Variants in IGDCC3 observed in about 807,000 individuals in gnomAD.
IGDCC3 encodes the protein putative neuronal cell adhesion molecule.
In IGDCC3, 47 loss-of-function variants were observed where a neutral mutation model predicts 72.0. The observed-to-expected ratio is 0.65, with a 90% CI of 0.52 to 0.83. IGDCC3 has a LOEUF of 0.83. Ranked by LOEUF, IGDCC3 falls within the 40% of genes least tolerant of loss-of-function variation. The pLI, the probability that IGDCC3 is intolerant of heterozygous loss-of-function variation, is 0.00. For synonymous variants in IGDCC3, 477 were observed against 472.8 expected, an observed-to-expected ratio of 1.01 and a Z score of -0.11; for missense variants, 1,038 against 1,091.3, an observed-to-expected ratio of 0.95 and a Z score of 0.69.
intron 2 of IGDCC3, among the ~76,000 whole-genome samples, chr15:65,356,848 C>CTTTTTATTTTTTTTTTTTT (rs2091225168): frequency 1.4e-5 from 1 of 70,898 alleles, no homozygotes; most frequent in Non-Finnish European, 2.6e-5. Context: ...AATGGACCTG[C>CTTTTTATTTTTTTTTTTTT]TTTTTTTTTT....
intron 2 of IGDCC3, among the ~76,000 whole-genome samples, chr15:65,361,283 TAAA>T (rs60459269): frequency 6.7e-6 from 1 of 149,238 alleles, no homozygotes; most frequent in African/African-American, 2.5e-5. Flanking sequence ...ATAATAATAA[TAAA>T]AAAACATTAG....
At chr15:65,334,482 G>A (rs1190232538) in intron 5 of IGDCC3, 2 of 490,420 alleles carry the variant, frequency 4.1e-6, no homozygotes, top group Non-Finnish European at 7.1e-6. Flanking sequence ...TGCAGGGACT[G>A]GACAAGGTAA....
chr15:65,367,822 G>T (rs1045701189), intron 2 of IGDCC3, among the ~76,000 whole-genome samples: 4 of 152,220 alleles, frequency 2.6e-5, no homozygotes, highest in Middle Eastern at 3.4e-3. Context: ...CCACAGGAGA[G>T]CCCTTTGAGG....
In IGDCC3 at chr15:65,328,837, C is replaced by T; in HGVS notation, c.*72G>A. 1 of 1,481,566 alleles carries T rather than the reference C, an allele frequency of 6.7e-7. No homozygotes were observed. The highest frequency in any genetic ancestry group is 2.4e-5 in the Admixed American group (1 of 41,220). 91.8% of individuals were successfully genotyped at this position (1,481,566 alleles called of 1,614,324 possible). On this transcript the variant is annotated 3_prime_UTR_variant, in exon 14 of 14. Transcript: ENST00000327987. ...CCAGGACCATCCAAATCCCACATGA[C>T]AGTAGAAATCTTGCTTTTGACCTGA...
chr15:65,351,413 A>G (rs567681573), intron 2 of IGDCC3, among the ~76,000 whole-genome samples: 1 of 152,148 alleles, frequency 6.6e-6, no homozygotes, highest in African/African-American at 2.4e-5. Context: ...GGGTGCCTGT[A>G]GTCCCAGCTA....
intron 6 of IGDCC3, 22 bp downstream of exon 6, chr15:65,333,235 C>T: frequency 6.3e-7 from 1 of 1,581,608 alleles, no homozygotes; most frequent in Non-Finnish European, 8.6e-7. Context: ...TGCCCTCCTC[C>T]TCAGGGTTGG....
chr15:65,370,645 T>C (rs2091320602), intron 2 of IGDCC3, among the ~76,000 whole-genome samples: 1 of 141,572 alleles, frequency 7.1e-6, no homozygotes, highest in African/African-American at 2.6e-5. Flanking sequence ...TATATATATA[T>C]ATAAAATTAG....
At position 65,356,848 on chromosome 15, in the gene IGDCC3, C is replaced by CTTTTTTTTTTTTTTTTTTTTTTTTTTTTT. The variant is rs766472764; in HGVS notation, c.409+18248_409+18249insAAAAAAAAAAAAAAAAAAAAAAAAAAAAA. ...GATGTGAGATTTGAGAATGGACCTG[C>CTTTTTTTTTTTTTTTTTTTTTTTTTTTTT]TTTTTTTTTTTTTTTTTTTGAGATG... On this transcript the variant is annotated intron_variant, in intron 2 of 13. Transcript: ENST00000327987. Among the ~76,000 whole-genome samples the CTTTTTTTTTTTTTTTTTTTTTTTTTTTTT allele has an allele frequency of 1.6e-4, 11 of 70,886 alleles. 1 individual carries two copies. The highest frequency in any genetic ancestry group is 4.0e-4 in the African/African-American group (6 of 15,034). 46.5% of individuals were successfully genotyped at this position (70,886 alleles called of 152,430 possible).
chr15:65,329,782 G>C lies in IGDCC3; in HGVS notation c.1941C>G (p.Ile647Met). The C allele has an allele frequency of 6.2e-7, 1 of 1,614,168 alleles. No individual in the cohort carries two copies. Among genetic ancestry groups the C allele is most frequent in the Non-Finnish European group, 8.5e-7 (1 of 1,180,024 alleles). ...CACAGAAGATGATGCAAGTGACCCCGATGTGGATGCCGATGACGATGCCTG... is the reference window on the plus strand; with the variant it reads ...CACAGAAGATGATGCAAGTGACCCCCATGTGGATGCCGATGACGATGCCTG... ...STTGIVIGIH[I>M]GVTCIIFCVL... The change falls in exon 12 of 14, where the codon ATC (isoleucine) becomes ATG (methionine). Residue 647 changes from isoleucine (I) to methionine (M), a missense_variant. By Grantham distance (10) the Ile-to-Met change is conservative. Coordinates refer to ENST00000327987, the MANE Select transcript of IGDCC3 (RefSeq NM_004884.4). This position sits in a 1 kb window ranked among gnomAD's most constrained non-coding sequence, Gnocchi z 4.1.
chr15:65,348,764 G>A (rs1380613314), intron 2 of IGDCC3, among the ~76,000 whole-genome samples: 2 of 152,166 alleles, frequency 1.3e-5, no homozygotes, highest in African/African-American at 4.8e-5. Context: ...GTCCCTCTTG[G>A]CTAAGAACAG....
In IGDCC3 at chr15:65,375,193, G is replaced by C. The variant is rs752331606; in HGVS notation, c.313C>G (p.Pro105Ala). The change falls in exon 2 of 14, where the codon CCG becomes GCG. Residue 105 changes from proline (P) to alanine (A), a missense_variant. Coordinates refer to ENST00000327987, the MANE Select transcript of IGDCC3 (RefSeq NM_004884.4). ...SLMIRHFRLEPGGSPSDEGDY... is the reference protein window; with the variant it reads ...SLMIRHFRLEAGGSPSDEGDY... ...CCTTCATCCGAAGGGCTGCCTCCCG[G>C]CTCCAGCCTGAAGTGACGGATCATC... The C allele has an allele frequency of 6.2e-6, 10 of 1,614,072 alleles. No individual in the cohort carries two copies. The highest frequency in any genetic ancestry group is 8.5e-6 in the Non-Finnish European group (10 of 1,180,050).
At chr15:65,364,593 A>C (rs556091079) in intron 2 of IGDCC3, among the ~76,000 whole-genome samples, 1 of 152,284 alleles carries the variant, frequency 6.6e-6, no homozygotes, top group African/African-American at 2.4e-5. Flanking sequence ...GCAGCACGAA[A>C]GAAAAACAGA....
At chr15:65,357,196 GA>G (rs2091229414) in intron 2 of IGDCC3, among the ~76,000 whole-genome samples, 1 of 151,982 alleles carries the variant, frequency 6.6e-6, no homozygotes. Context: ...TCTTTTTCTG[GA>G]AACATGGACT....
intron 2 of IGDCC3, chr15:65,355,696 G>A: frequency 2.4e-6 from 1 of 409,322 alleles, no homozygotes; most frequent in South Asian, 1.6e-5. Flanking sequence ...TAGTGTCCGC[G>A]CTGAATGGCG....
In IGDCC3 at chr15:65,346,104, C is replaced by T. The variant is rs374575766; in HGVS notation, c.410-10148G>A. Among the ~76,000 whole-genome samples the T allele has an allele frequency of 1.8e-4, 28 of 152,204 alleles. 2 individuals carry two copies. In the East Asian group the frequency reaches 2.5e-3, roughly 14 times the overall value. On this transcript the variant is annotated intron_variant, in intron 2 of 13. Transcript: ENST00000327987. ...CACAGCAGGCTTCACTTCGACTCCC[C>T]CAGGGTTTGGTGGTAGGTTTTATAG... is the stretch of plus-strand genomic sequence containing the variant.
intron 2 of IGDCC3, among the ~76,000 whole-genome samples, chr15:65,351,812 A>G (rs1006998192): frequency 2.0e-5 from 3 of 152,210 alleles, no homozygotes; most frequent in African/African-American, 7.2e-5. Context: ...TATGTTATTA[A>G]TAATTATAAT....
chr15:65,370,055 A>G (rs934457525), intron 2 of IGDCC3, among the ~76,000 whole-genome samples: 4 of 152,132 alleles, frequency 2.6e-5, no homozygotes, highest in African/African-American at 9.7e-5. Context: ...AGGCGGAGAG[A>G]GCAGGGGACT....
intron 2 of IGDCC3, among the ~76,000 whole-genome samples, chr15:65,362,396 T>C (rs1435786398): frequency 6.6e-6 from 1 of 151,990 alleles, no homozygotes; most frequent in African/African-American, 2.4e-5. Flanking sequence ...CATCATGGTG[T>C]CAGGGTCAAG....
chr15:65,334,491 A>T, intron 5 of IGDCC3: 1 of 486,204 alleles, frequency 2.1e-6, no homozygotes. Flanking sequence ...TGGACAAGGT[A>T]ACCCAAGGAG....
Sources: allele counts gnomAD v4.1 joint callset (sites outside exome capture counted in the v4.1 genomes callset), GRCh38; gene constraint gnomAD v4.1.1; non-coding constraint Gnocchi (gnomAD v3.1); transcripts MANE v1.5; gene names NCBI Gene and HGNC (gene_info 2026-07-23, HGNC 2026-07-21).